Variants in VTA1 observed in about 807,000 individuals in gnomAD.
VTA1 encodes vesicle trafficking 1.
VTA1 carries 24 observed loss-of-function variants against 36.9 expected under a neutral mutation model. That is an observed-to-expected ratio of 0.65 (90% CI 0.47 to 0.91). VTA1 has a LOEUF of 0.91. VTA1 is among the 40% of genes least tolerant of loss of function. The probability of loss-of-function intolerance (pLI) is 0.00; values close to 1 mark genes in which losing one functional copy is unlikely to be tolerated. For missense variants in VTA1, 393 were observed against 377.2 expected, an observed-to-expected ratio of 1.04 and a Z score of -0.35; for synonymous variants, 142 against 130.2, an observed-to-expected ratio of 1.09 and a Z score of -0.62.
intron 7 of VTA1, among the ~76,000 whole-genome samples, chr6:142,217,566 A>ACACG (rs945291036): frequency 5.3e-5 from 8 of 151,470 alleles, no homozygotes; most frequent in African/African-American, 1.9e-4. Context: ...GTGTATACAC[A>ACACG]CACGCAGCAT....
chr6:142,194,502 G>A (rs1775510739), intron 5 of VTA1, among the ~76,000 whole-genome samples: 1 of 151,956 alleles, frequency 6.6e-6, no homozygotes, highest in Non-Finnish European at 1.5e-5. Context: ...CAAGTATTTT[G>A]TGTCCTTTCA....
At chr6:142,147,972 A>G (rs1460126660) in intron 1 of VTA1, among the ~76,000 whole-genome samples, 1 of 152,168 alleles carries the variant, frequency 6.6e-6, no homozygotes, top group Admixed American at 6.5e-5. Flanking sequence ...TTCTTTGAAT[A>G]ATACCCGCTG....
intron 5 of VTA1, among the ~76,000 whole-genome samples, chr6:142,194,282 A>G (rs931505419): frequency 1.3e-5 from 2 of 149,900 alleles, no homozygotes. Flanking sequence ...GAGTTTCCAC[A>G]TAAATTTTAG....
chr6:142,185,372 G>A (rs1026614204), intron 4 of VTA1, among the ~76,000 whole-genome samples: 42 of 149,576 alleles, frequency 2.8e-4, no homozygotes, highest in Non-Finnish European at 6.0e-4. Context: ...CTAAAAGTAT[G>A]TTGAGGTTAA....
At chr6:142,196,144 T>C (rs1270722347) in intron 5 of VTA1, among the ~76,000 whole-genome samples, 1 of 152,198 alleles carries the variant, frequency 6.6e-6, no homozygotes, top group Non-Finnish European at 1.5e-5. Context: ...CTTTTTATTA[T>C]TATGGAACAT....
chr6:142,203,591 G>T (rs1375160046), intron 6 of VTA1, among the ~76,000 whole-genome samples: 1 of 152,030 alleles, frequency 6.6e-6, no homozygotes, highest in Non-Finnish European at 1.5e-5. Flanking sequence ...AATTACAAAT[G>T]TTAATTTGTA....
chr6:142,199,694 A>G (rs1482874940), intron 6 of VTA1, among the ~76,000 whole-genome samples: 4 of 152,118 alleles, frequency 2.6e-5, no homozygotes, highest in African/African-American at 4.8e-5. Context: ...ACAAGTTTAT[A>G]TTATCTGCAA....
intron 1 of VTA1, among the ~76,000 whole-genome samples, chr6:142,159,219 C>G (rs1774729948): frequency 6.6e-6 from 1 of 151,668 alleles, no homozygotes; most frequent in South Asian, 2.1e-4. Context: ...AAGAAATTAC[C>G]CAGACATGGT....
chr6:142,188,017 C>T (rs912645439), intron 4 of VTA1, among the ~76,000 whole-genome samples: 1 of 148,692 alleles, frequency 6.7e-6, no homozygotes, highest in Non-Finnish European at 1.5e-5. Context: ...ACGTGATTCT[C>T]ATGCCTCAGC....
rs187618759 is a variant in VTA1, at chr6:142,167,300, A to G, written c.207+978A>G. On this transcript the variant is annotated intron_variant, in intron 2 of 7. Transcript: ENST00000367630. ...CTTAGTAATGAGGACTCTGTCCTGTAACTCCTGGACCCAGCCATACCTGGT... is the reference window on the plus strand; with the variant it reads ...CTTAGTAATGAGGACTCTGTCCTGTGACTCCTGGACCCAGCCATACCTGGT... Among the ~76,000 whole-genome samples, 105 of 152,288 alleles carry G rather than the reference A, an allele frequency of 6.9e-4. 1 individual carries two copies. The highest frequency in any genetic ancestry group is 2.4e-3 in the African/African-American group (100 of 41,558).
chr6:142,147,266 A>C lies in VTA1; in HGVS notation c.-22A>C, dbSNP rs1466192676. The C allele has an allele frequency of 3.1e-6, 5 of 1,613,522 alleles. No homozygotes were observed. The highest frequency in any genetic ancestry group is 4.2e-6 in the Non-Finnish European group (5 of 1,179,584). ...GAAGTGCCGGTGGAGCGCGAGTAGG[A>C]AGTGGTGAGTTCGGAGTAGAGATGG... On this transcript the variant is annotated 5_prime_UTR_variant, in exon 1 of 8. Coordinates refer to ENST00000367630, the MANE Select transcript of VTA1 (RefSeq NM_016485.5).
intron 1 of VTA1, among the ~76,000 whole-genome samples, chr6:142,161,078 T>TCCCCCCCCC (rs112484201): frequency 8.6e-6 from 1 of 116,044 alleles, no homozygotes; most frequent in African/African-American, 3.7e-5. Flanking sequence ...CTTCCTTCCT[T>TCCCCCCCCC]CCCCCCCCCC....
chr6:142,172,477 G>A (rs1775046168), intron 4 of VTA1, among the ~76,000 whole-genome samples: 1 of 152,158 alleles, frequency 6.6e-6, no homozygotes, highest in Non-Finnish European at 1.5e-5. Context: ...TGCCCATTTA[G>A]AGCCACTGCT....
chr6:142,174,371 C>A (rs189057477), intron 4 of VTA1, among the ~76,000 whole-genome samples: 104 of 152,248 alleles, frequency 6.8e-4, no homozygotes, highest in African/African-American at 2.4e-3. Context: ...TGGGGCCTAT[C>A]GTGCCTTTTT....
chr6:142,153,326 T>C (rs1401465886), intron 1 of VTA1, among the ~76,000 whole-genome samples: 2 of 151,864 alleles, frequency 1.3e-5, no homozygotes, highest in African/African-American at 4.8e-5. Flanking sequence ...GTAAACAAAC[T>C]ATACAGTAAT....
chr6:142,160,505 C>T (rs575552726), intron 1 of VTA1, among the ~76,000 whole-genome samples: 17 of 152,222 alleles, frequency 1.1e-4, no homozygotes, highest in Non-Finnish European at 2.1e-4. Flanking sequence ...ACCTCTGCCC[C>T]TTAATGTACA....
intron 6 of VTA1, chr6:142,198,882 A>T (rs182132058): frequency 4.2e-5 from 10 of 238,374 alleles, no homozygotes; most frequent in Admixed American, 1.1e-4. Context: ...CATGCTTTTC[A>T]TATATATTGC....
intron 4 of VTA1, among the ~76,000 whole-genome samples, chr6:142,172,468 G>A (rs1775045814): frequency 6.6e-6 from 1 of 152,180 alleles, no homozygotes; most frequent in African/African-American, 2.4e-5. Context: ...ATGGGGCAAT[G>A]CCCATTTAGA....
chr6:142,202,085 T>A (rs1365580650), intron 6 of VTA1, among the ~76,000 whole-genome samples: 1 of 151,962 alleles, frequency 6.6e-6, no homozygotes, highest in Admixed American at 6.6e-5. Context: ...TACATAAGCC[T>A]AGGTACACCT....
Sources: gnomAD v4.1 joint callset for allele counts (sites outside exome capture counted in the v4.1 genomes callset) on GRCh38, gnomAD v4.1.1 for gene constraint, MANE v1.5 for transcripts, NCBI Gene and HGNC (gene_info 2026-07-23, HGNC 2026-07-21) for gene names.